FKBP10: variants seen among roughly 807,000 people sequenced by gnomAD.
The protein encoded by FKBP10 is peptidyl-prolyl cis-trans isomerase FKBP10.
FKBP10 carries 34 observed loss-of-function variants against 53.7 expected under a neutral mutation model. The ratio of observed to expected loss-of-function variants is 0.63; its 90% CI spans 0.48 to 0.84. FKBP10 has a LOEUF of 0.84. FKBP10 is among the 40% of genes least tolerant of loss of function. The pLI is 0.00. For synonymous variants in FKBP10, 324 were observed against 335.7 expected (o/e 0.97, Z 0.38); for missense variants, 748 against 797.8 (o/e 0.94, Z 0.75).
rs782164572 is a variant in FKBP10, at chr17:41,818,143, T to C, written c.446T>C (p.Val149Ala). ...TLYFDVVLLD[V>A]WNKEDTVQVS... ...TACTTCGATGTGGTTCTGCTGGATG[T>C]GTGGAACAAGGAAGACACCGTGCAG... Residue 149 changes from valine (V) to alanine (A), a missense_variant, in exon 3 of 10, where the codon GTG becomes GCG. Transcript: ENST00000321562. 8 of 1,613,734 alleles carry C rather than the reference T, an allele frequency of 5.0e-6. No individual in the cohort carries two copies. The highest frequency in any genetic ancestry group is 1.7e-5 in the Admixed American group (1 of 59,994).
intron 9 of FKBP10, 26 bp from the exon 10 acceptor site, chr17:41,822,197 G>A (rs1016618626): frequency 2.1e-5 from 33 of 1,603,344 alleles, no homozygotes; most frequent in African/African-American, 2.7e-5. Flanking sequence ...CTCACTGCCC[G>A]CTCCCCCGGC....
chr17:41,819,901 A>C (rs2047868649), intron 6 of FKBP10: 10 of 1,542,710 alleles, frequency 6.5e-6, no homozygotes, highest in Non-Finnish European at 8.8e-6. Flanking sequence ...GGAGAAGGGC[A>C]GCCAAGTTTG....
intron 4 of FKBP10, 25 bp from the exon 5 acceptor site, chr17:41,819,185 G>T: frequency 6.2e-7 from 1 of 1,613,626 alleles, no homozygotes; most frequent in Non-Finnish European, 8.5e-7. Flanking sequence ...CCAATTTTAT[G>T]GTTCAAGCCC....
At chr17:41,818,835 G>A (rs782780587) in intron 4 of FKBP10, 68 of 425,720 alleles carry the variant, frequency 1.6e-4, no homozygotes, top group Non-Finnish European at 1.9e-4. Context: ...GGCGCCTGTA[G>A]TCCCAGCTAC....
intron 1 of FKBP10, among the ~76,000 whole-genome samples, chr17:41,815,061 G>A (rs555669409): frequency 1.7e-3 from 259 of 152,204 alleles, no homozygotes; most frequent in Non-Finnish European, 2.2e-3. Context: ...GGGATTACAG[G>A]TGCACACCAC....
At position 41,817,046 on chromosome 17, in the gene FKBP10, CT is replaced by C; in HGVS notation, c.246-11del. On this transcript the variant is annotated splice_polypyrimidine_tract_variant and intron_variant, in intron 1 of 9. Coordinates refer to ENST00000321562, the MANE Select transcript of FKBP10 (RefSeq NM_021939.4). ...TGAGGTCACTGTATCCCATCTGTCC[CT>C]CCCCCCCCAGCTATGATCGCAACAC... The C allele has an allele frequency of 6.2e-7, 1 of 1,613,876 alleles. No homozygotes were observed. The highest frequency in any genetic ancestry group is 8.5e-7 in the Non-Finnish European group (1 of 1,179,998).
At chr17:41,820,057 G>A in intron 6 of FKBP10, 1 of 1,383,374 alleles carries the variant, frequency 7.2e-7, no homozygotes, top group Non-Finnish European at 9.7e-7. Flanking sequence ...ACGGTGAGTG[G>A]AAAAGGGCTT....
Position 41,818,499 on chromosome 17 carries a change from A to G in FKBP10, c.699A>G (p.Pro233=), listed in dbSNP as rs1555616455. ...AGAGAAGGAAGATTATCATCCCTCC[A>G]TTCCTGGCCTATGGCGAGAAAGGCT... is the stretch of plus-strand genomic sequence containing the variant. ...PGERRKIIIP[P]FLAYGEKGYG... is the part of the protein sequence containing the mutation. The change falls in exon 4 of 10, where the codon CCA becomes CCG. Residue 233 remains proline, a synonymous_variant. Transcript: ENST00000321562. 6.2e-7 allele frequency: 1 copy of G among 1,614,056 alleles called. No homozygotes were observed. The highest frequency in any genetic ancestry group is 1.3e-5 in the African/African-American group (1 of 74,938).
Position 41,818,152 on chromosome 17 carries a change from A to G in FKBP10, c.455A>G (p.Lys152Arg). 6.2e-7 allele frequency: 1 copy of G among 1,613,840 alleles called. No homozygotes were observed. Among genetic ancestry groups the G allele is most frequent in the Non-Finnish European group, 8.5e-7 (1 of 1,179,942 alleles). ...FDVVLLDVWN[K>R]EDTVQVSTLL... ...GTGGTTCTGCTGGATGTGTGGAACA[A>G]GGAAGACACCGTGCAGGTGAGCACA... The change falls in exon 3 of 10, where the codon AAG (lysine) becomes AGG (arginine). Residue 152 changes from lysine to arginine, a missense_variant. Transcript: ENST00000321562.
Position 41,818,079 on chromosome 17 carries a change from G to A in FKBP10, c.392-10G>A, listed in dbSNP as rs370149850. The A allele has an allele frequency of 2.5e-5, 40 of 1,596,978 alleles. No individual in the cohort carries two copies. The African/African-American group carries it at 3.1e-4, about 12-fold the overall frequency. The stretch of plus-strand genomic sequence containing the variant: ...AACTCTGAGACCTCCACGCTGCTGC[G>A]CTCTCACAGCGGGGCTCATTCCACC... On this transcript the variant is annotated splice_polypyrimidine_tract_variant and intron_variant, in intron 2 of 9. Coordinates refer to ENST00000321562, the MANE Select transcript of FKBP10 (RefSeq NM_021939.4).
chr17:41,817,720 CT>C (rs1453121040), intron 2 of FKBP10, among the ~76,000 whole-genome samples: 2 of 151,750 alleles, frequency 1.3e-5, no homozygotes, highest in African/African-American at 4.8e-5. Flanking sequence ...CCTCAGCCTC[CT>C]GGGCTCAAGC....
intron 7 of FKBP10, 54 bp from the exon 8 acceptor site, chr17:41,820,893 G>T: frequency 6.3e-7 from 1 of 1,593,024 alleles, no homozygotes; most frequent in East Asian, 2.3e-5. Context: ...GGAGAGGGGT[G>T]TGCGCTGGCA....
chr17:41,820,018 C>G, intron 6 of FKBP10: 1 of 1,490,534 alleles, frequency 6.7e-7, no homozygotes, highest in Non-Finnish European at 9.0e-7. Context: ...CATGCTGATC[C>G]GCAGGGTAAG....
chr17:41,821,916 C>T, intron 9 of FKBP10, 99 bp downstream of exon 9: 2 of 1,444,580 alleles, frequency 1.4e-6, no homozygotes, highest in Non-Finnish European at 1.9e-6. Flanking sequence ...GCCCACCCGC[C>T]CTGGTGCTCC....
intron 2 of FKBP10, 73 bp from the exon 3 acceptor site, chr17:41,818,014 AAT>A: frequency 7.0e-7 from 1 of 1,430,888 alleles, no homozygotes. Context: ...GAGGAAGGGG[AAT>A]AACAGGGCCC....
chr17:41,815,150 G>C (rs1476455670), intron 1 of FKBP10, among the ~76,000 whole-genome samples: 1 of 152,122 alleles, frequency 6.6e-6, no homozygotes, highest in African/African-American at 2.4e-5. Flanking sequence ...AAAAAGGCGG[G>C]TGGGTATTAT....
rs1482169780 is a variant in FKBP10, at chr17:41,822,204, CG to C, written c.1564-17del. On this transcript the variant is annotated intron_variant, in intron 9 of 9. Transcript: ENST00000321562. Reference sequence around the variant, plus strand: ...CCATGACCCTCACTGCCCGCTCCCCCGGCTCTCCCCTGCCCCAGTTCTCCAC... The same window carrying C: ...CCATGACCCTCACTGCCCGCTCCCCCGCTCTCCCCTGCCCCAGTTCTCCAC... 5.6e-6 allele frequency: 9 copies of C among 1,607,214 alleles called. No individual in the cohort carries two copies. The African/African-American group carries it at 1.2e-4, about 21-fold the overall frequency.
At position 41,820,470 on chromosome 17, in the gene FKBP10, G is replaced by C. The variant is rs782280522; in HGVS notation, c.1256+9G>C. ...ACCCAGCTGTTCACCTCGTGGGTCC[G>C]GGGGGGGGCCGGGACTGGGCAGGTG... On this transcript the variant is annotated intron_variant, in intron 7 of 9. Coordinates refer to ENST00000321562, the MANE Select transcript of FKBP10 (RefSeq NM_021939.4). The C allele has an allele frequency of 4.7e-6, 7 of 1,495,304 alleles. No individual in the cohort carries two copies. Among genetic ancestry groups the C allele is most frequent in the Non-Finnish European group, 5.5e-6 (6 of 1,089,398 alleles). 92.6% of individuals were successfully genotyped at this position (1,495,304 alleles called of 1,614,324 possible).
In FKBP10 at chr17:41,820,363, C is replaced by G. The variant is rs2047875212; in HGVS notation, c.1158C>G (p.Ser386=). Residue 386 remains serine, a synonymous_variant, in exon 7 of 10, where the codon TCC becomes TCG. Transcript: ENST00000321562. ...ATGTGGTGGAAATCAGGACACTGTC[C>G]CGGCCATCTGAGACCTGCAATGAGA... ...PADVVEIRTL[S]RPSETCNETT... 1 of 1,614,202 alleles carries G rather than the reference C, an allele frequency of 6.2e-7. No homozygotes were observed.
Sources: gnomAD v4.1 joint callset for allele counts (sites outside exome capture counted in the v4.1 genomes callset) on GRCh38, gnomAD v4.1.1 for gene constraint, MANE v1.5 for transcripts, NCBI Gene and HGNC (gene_info 2026-07-23, HGNC 2026-07-21) for gene names.